The following CACNA2D3 variants were observed in gnomAD, a reference collection of about 807,000 sequenced individuals.
CACNA2D3 encodes voltage-dependent calcium channel subunit alpha-2/delta-3.
CACNA2D3 carries 60 observed loss-of-function variants against 160.6 expected under a neutral mutation model. That is an observed-to-expected ratio of 0.37 (90% CI 0.30 to 0.46). The LOEUF is 0.46. Ranked by LOEUF, CACNA2D3 falls within the 20% of genes least tolerant of loss-of-function variation. The probability of loss-of-function intolerance (pLI) is 1.00; values close to 1 mark genes in which losing one functional copy is unlikely to be tolerated. For missense variants in CACNA2D3, 1,205 were observed against 1,365.0 expected (o/e 0.88, Z 1.85); for synonymous variants, 558 against 492.9 (o/e 1.13, Z -1.75).
At chr3:54,536,053 T>A (rs1701884428) in intron 5 of CACNA2D3, among the ~76,000 whole-genome samples, 1 of 152,218 alleles carries the variant, frequency 6.6e-6, no homozygotes, top group Non-Finnish European at 1.5e-5. Context: ...CTGTTAGTGG[T>A]TGTGTTTTAT....
chr3:54,925,860 G>A (rs1050478000), intron 27 of CACNA2D3, among the ~76,000 whole-genome samples: 5 of 152,166 alleles, frequency 3.3e-5, no homozygotes, highest in Non-Finnish European at 5.9e-5. Flanking sequence ...GCGCTGCTAC[G>A]TATTGATATC....
At chr3:54,211,478 T>A (rs1409437349) in intron 2 of CACNA2D3, among the ~76,000 whole-genome samples, 1 of 152,206 alleles carries the variant, frequency 6.6e-6, no homozygotes, top group East Asian at 1.9e-4. Context: ...GGATAAAGGC[T>A]GTGTGTGCTG....
intron 27 of CACNA2D3, among the ~76,000 whole-genome samples, chr3:54,920,136 A>T (rs1700797496): frequency 6.6e-6 from 1 of 152,200 alleles, no homozygotes; most frequent in African/African-American, 2.4e-5. Context: ...ACAGTAAGTG[A>T]ATTAGGAAAT....
intron 2 of CACNA2D3, among the ~76,000 whole-genome samples, chr3:54,146,986 G>A (rs927164464): frequency 1.2e-4 from 18 of 152,270 alleles, no homozygotes; most frequent in African/African-American, 4.3e-4. Context: ...TTTCAGCAAA[G>A]AGGGAAAATT....
At chr3:54,280,455 G>A (rs1008465102) in intron 2 of CACNA2D3, among the ~76,000 whole-genome samples, 3 of 152,162 alleles carry the variant, frequency 2.0e-5, no homozygotes, top group Admixed American at 6.6e-5. Context: ...TGGGGAGTAG[G>A]CAGAAACCCA....
At position 54,907,656 on chromosome 3, in the gene CACNA2D3, A is replaced by G. The variant is rs551521705; in HGVS notation, c.2449+7788A>G. Among the ~76,000 whole-genome samples the G allele has an allele frequency of 3.9e-5, 6 of 152,290 alleles. No individual in the cohort carries two copies. In the East Asian group the frequency reaches 9.6e-4, roughly 24 times the overall value. Reference sequence around the variant, plus strand: ...CTGAAAACTTGCATATCAGAAGATTATATTAATAATATCTTGATATGTTTT... The same window carrying G: ...CTGAAAACTTGCATATCAGAAGATTGTATTAATAATATCTTGATATGTTTT... On this transcript the variant is annotated intron_variant, in intron 27 of 37. Coordinates refer to ENST00000474759, the MANE Select transcript of CACNA2D3 (RefSeq NM_018398.3).
At chr3:54,402,506 A>G (rs1158317110) in intron 4 of CACNA2D3, among the ~76,000 whole-genome samples, 1 of 152,200 alleles carries the variant, frequency 6.6e-6, no homozygotes, top group Non-Finnish European at 1.5e-5. Context: ...CTAATAAAAT[A>G]GATTTTAAGT....
At chr3:54,452,355 G>C (rs1700321523) in intron 4 of CACNA2D3, among the ~76,000 whole-genome samples, 2 of 152,180 alleles carry the variant, frequency 1.3e-5, no homozygotes, top group East Asian at 1.9e-4. Context: ...CCATGATTCA[G>C]TTATCTCCAC....
chr3:54,541,788 G>C (rs1701983657), intron 5 of CACNA2D3, among the ~76,000 whole-genome samples: 1 of 152,154 alleles, frequency 6.6e-6, no homozygotes, highest in Admixed American at 6.5e-5. Flanking sequence ...TGTAGTCCTG[G>C]ATTGAAGCTA....
intron 35 of CACNA2D3, among the ~76,000 whole-genome samples, chr3:55,070,276 C>G (rs543272421): frequency 6.6e-6 from 1 of 152,124 alleles, no homozygotes; most frequent in African/African-American, 2.4e-5. Context: ...AGGACTACAG[C>G]CTTGTTGGAA....
At chr3:54,885,193 C>T (rs1162246397) in intron 21 of CACNA2D3, 88 bp from the exon 22 acceptor site, 67 of 1,409,076 alleles carry the variant, frequency 4.8e-5, no homozygotes, top group East Asian at 2.5e-4. Context: ...CTTAACCCAC[C>T]CCGCAGCCCT....
intron 3 of CACNA2D3, among the ~76,000 whole-genome samples, chr3:54,357,253 A>G (rs1282710169): frequency 6.6e-6 from 1 of 152,204 alleles, no homozygotes; most frequent in African/African-American, 2.4e-5. Flanking sequence ...AGCGGGTGCA[A>G]TTAGCTCTGT....
intron 4 of CACNA2D3, among the ~76,000 whole-genome samples, chr3:54,421,598 GTTCACC>G (rs1185281044): frequency 6.6e-6 from 1 of 152,068 alleles, no homozygotes; most frequent in Non-Finnish European, 1.5e-5. Context: ...GATTTGAAAA[GTTCACC>G]TGGACTCCAC....
chr3:54,240,217 T>C (rs1270017078), intron 2 of CACNA2D3, among the ~76,000 whole-genome samples: 2 of 125,278 alleles, frequency 1.6e-5, no homozygotes, highest in African/African-American at 8.8e-5. Context: ...AGGTGTATTT[T>C]TGTTGTTGTT....
chr3:54,912,297 G>A (rs1160495013), intron 27 of CACNA2D3, among the ~76,000 whole-genome samples: 2 of 152,146 alleles, frequency 1.3e-5, no homozygotes, highest in African/African-American at 4.8e-5. Flanking sequence ...TTTGAAGCGA[G>A]TCACTAGGTC....
chr3:54,293,074 A>T (rs1010330988), intron 2 of CACNA2D3, among the ~76,000 whole-genome samples: 1 of 152,256 alleles, frequency 6.6e-6, no homozygotes, highest in Non-Finnish European at 1.5e-5. Context: ...AATCAGACAC[A>T]AAAGGACAAA....
intron 9 of CACNA2D3, among the ~76,000 whole-genome samples, chr3:54,594,202 G>A (rs1044069505): frequency 6.6e-5 from 10 of 152,158 alleles, no homozygotes; most frequent in Non-Finnish European, 1.5e-4. Context: ...GGGCCTGATA[G>A]TAAATATTCT....
At chr3:54,918,995 C>T in intron 27 of CACNA2D3, 3 of 707,914 alleles carry the variant, frequency 4.2e-6, no homozygotes, top group South Asian at 4.2e-5. Flanking sequence ...TATGAAGTAC[C>T]TTTTTTTTTT....
At chr3:54,916,101 A>G (rs940208223) in intron 27 of CACNA2D3, among the ~76,000 whole-genome samples, 2 of 152,214 alleles carry the variant, frequency 1.3e-5, no homozygotes, top group African/African-American at 4.8e-5. Context: ...AAAACGAAGC[A>G]TGCGTTATTG....
Sources: gnomAD v4.1 joint callset for allele counts (sites outside exome capture counted in the v4.1 genomes callset) on GRCh38, gnomAD v4.1.1 for gene constraint, MANE v1.5 for transcripts, NCBI Gene and HGNC (gene_info 2026-07-23, HGNC 2026-07-21) for gene names.